The following LRRTM4 variants were observed in gnomAD, a reference collection of about 807,000 sequenced individuals.
LRRTM4 encodes the protein leucine rich repeat transmembrane neuronal 4, also known as leucine-rich repeat transmembrane neuronal protein 4.
Under a neutral mutation model 47.6 loss-of-function variants are expected in LRRTM4, and 25 were observed. That is an observed-to-expected ratio of 0.53 (90% CI 0.38 to 0.73). LRRTM4 has a LOEUF of 0.73. LRRTM4 is among the 30% of genes least tolerant of loss of function. The pLI, the probability that LRRTM4 is intolerant of heterozygous loss-of-function variation, is 0.00. For missense variants in LRRTM4, 638 were observed against 713.4 expected (o/e 0.89, Z 1.20); for synonymous variants, 311 against 269.5 (o/e 1.15, Z -1.51).
At chr2:76,799,488 T>A (rs1195049558) in intron 3 of LRRTM4, among the ~76,000 whole-genome samples, 1 of 132,760 alleles carries the variant, frequency 7.5e-6, no homozygotes, top group Non-Finnish European at 1.7e-5. Flanking sequence ...AACCCACAGC[T>A]AATATCATAC....
intron 3 of LRRTM4, among the ~76,000 whole-genome samples, chr2:76,939,131 C>T (rs1278345175): frequency 6.7e-6 from 1 of 148,724 alleles, no homozygotes; most frequent in East Asian, 2.0e-4. Flanking sequence ...TAGCAATTTT[C>T]TTTTACTGGT....
intron 3 of LRRTM4, among the ~76,000 whole-genome samples, chr2:76,988,355 C>A (rs1676877665): frequency 6.6e-6 from 1 of 151,764 alleles, no homozygotes; most frequent in Non-Finnish European, 1.5e-5. Flanking sequence ...GGTACATGTT[C>A]CACTAAAACC....
intron 3 of LRRTM4, among the ~76,000 whole-genome samples, chr2:77,317,529 T>C (rs1677652167): frequency 6.6e-6 from 1 of 152,144 alleles, no homozygotes; most frequent in African/African-American, 2.4e-5. Context: ...TATTTTCCCC[T>C]GTTTTTTATT....
chr2:77,178,384 G>A (rs879272845), intron 3 of LRRTM4, among the ~76,000 whole-genome samples: 6 of 152,166 alleles, frequency 3.9e-5, no homozygotes, highest in South Asian at 2.1e-4. Flanking sequence ...TCAGGAGTTC[G>A]AGACCAGCCT....
chr2:77,044,193 A>G (rs1210245884), intron 3 of LRRTM4, among the ~76,000 whole-genome samples: 1 of 151,800 alleles, frequency 6.6e-6, no homozygotes, highest in Non-Finnish European at 1.5e-5. Flanking sequence ...ATTGCAGAGG[A>G]CCTACTGTCC....
chr2:77,093,366 TCTC>T (rs1670709210), intron 3 of LRRTM4, among the ~76,000 whole-genome samples: 1 of 150,796 alleles, frequency 6.6e-6, no homozygotes, highest in Non-Finnish European at 1.5e-5. Flanking sequence ...TACCTGTTTT[TCTC>T]CTTCTGTTAT....
intron 3 of LRRTM4, among the ~76,000 whole-genome samples, chr2:77,306,032 C>T (rs1677262055): frequency 6.6e-6 from 1 of 152,074 alleles, no homozygotes; most frequent in African/African-American, 2.4e-5. Flanking sequence ...TTTACATCTT[C>T]TTAATGTTTA....
chr2:77,460,459 A>C (rs911422480), intron 3 of LRRTM4, among the ~76,000 whole-genome samples: 1 of 152,116 alleles, frequency 6.6e-6, no homozygotes, highest in Non-Finnish European at 1.5e-5. Context: ...ATGACAATGA[A>C]TATCTTTTGC....
At chr2:76,953,138 A>T (rs1177175078) in intron 3 of LRRTM4, among the ~76,000 whole-genome samples, 1 of 148,996 alleles carries the variant, frequency 6.7e-6, no homozygotes, top group Non-Finnish European at 1.5e-5. Context: ...TACCCACTGT[A>T]TCTAAAATAA....
intron 3 of LRRTM4, among the ~76,000 whole-genome samples, chr2:77,108,352 A>G (rs1236556049): frequency 6.6e-6 from 1 of 152,084 alleles, no homozygotes; most frequent in East Asian, 1.9e-4. Context: ...TGTATTATCA[A>G]TCTTATAAAG....
rs75345788 is a variant in LRRTM4 at position 76,970,010 on chromosome 2, A to G, written c.1552-221094T>C. ...AATCAGAAACAATTTTTGAGATCAC[A>G]TGGCCCCACTCACTTATTTTAGGAA... is the stretch of plus-strand genomic sequence containing the variant. On this transcript the variant is annotated intron_variant, in intron 3 of 3. Coordinates refer to ENST00000409884, the MANE Select transcript of LRRTM4 (RefSeq NM_001134745.3). 4.3e-3 allele frequency among the ~76,000 whole-genome samples: 658 copies of G among 152,084 alleles called. 24 individuals carry two copies. The South Asian group carries it at 0.068, about 16-fold the overall frequency.
intron 3 of LRRTM4, among the ~76,000 whole-genome samples, chr2:77,337,944 T>C (rs542709665): frequency 2.6e-5 from 4 of 152,176 alleles, no homozygotes; most frequent in East Asian, 1.9e-4. Context: ...GCTGCCAACA[T>C]ACAGCCATCT....
chr2:77,373,906 A>C (rs1290367116), intron 3 of LRRTM4, among the ~76,000 whole-genome samples: 1 of 151,826 alleles, frequency 6.6e-6, no homozygotes. Flanking sequence ...TATGCCCTTC[A>C]GTTGACAGTG....
intron 3 of LRRTM4, among the ~76,000 whole-genome samples, chr2:77,038,025 A>G: frequency 6.6e-6 from 1 of 151,598 alleles, no homozygotes; most frequent in East Asian, 1.9e-4. Flanking sequence ...AATAACCTAT[A>G]TAATTATAGT....
intron 3 of LRRTM4, chr2:77,518,100 G>C: frequency 2.4e-6 from 3 of 1,273,694 alleles, no homozygotes; most frequent in Non-Finnish European, 2.0e-6. Flanking sequence ...ACTTATCCTT[G>C]AATGAACTTC....
At chr2:76,943,203 G>A (rs576764515) in intron 3 of LRRTM4, among the ~76,000 whole-genome samples, 37 of 152,204 alleles carry the variant, frequency 2.4e-4, no homozygotes, top group African/African-American at 7.9e-4. Flanking sequence ...TTCTGTGATG[G>A]GTTCAGAACA....
In LRRTM4 at chr2:76,983,224, G is replaced by A. The variant is rs1423818795; in HGVS notation, c.1552-234308C>T. Among the ~76,000 whole-genome samples, 2 of 152,014 alleles carry A rather than the reference G, an allele frequency of 1.3e-5. 1 individual carries two copies. Among genetic ancestry groups the A allele is most frequent in the Admixed American group, 1.3e-4 (2 of 15,244 alleles). ...TTCAAGGTAATGGTATGGTTAGAATGAGGCAGAAAGGTCAAAATTGGCCTT... is the reference window on the plus strand; with the variant it reads ...TTCAAGGTAATGGTATGGTTAGAATAAGGCAGAAAGGTCAAAATTGGCCTT... On this transcript the variant is annotated intron_variant, in intron 3 of 3. Transcript: ENST00000409884.
chr2:77,441,686 AAAT>A (rs1675848486), intron 3 of LRRTM4, among the ~76,000 whole-genome samples: 1 of 152,138 alleles, frequency 6.6e-6, no homozygotes, highest in African/African-American at 2.4e-5. Flanking sequence ...TAGAATCACA[AAAT>A]ATCTTATTTC....
chr2:77,470,471 A>G (rs1337810107), intron 3 of LRRTM4, among the ~76,000 whole-genome samples: 1 of 152,204 alleles, frequency 6.6e-6, no homozygotes, highest in Non-Finnish European at 1.5e-5. Flanking sequence ...CTAAAATACT[A>G]AACTACGAGA....
Sources: allele counts gnomAD v4.1 joint callset (sites outside exome capture counted in the v4.1 genomes callset), GRCh38; gene constraint gnomAD v4.1.1; transcripts MANE v1.5; gene names NCBI Gene and HGNC (gene_info 2026-07-23, HGNC 2026-07-21).